The following RPL31 variants were observed in gnomAD, a reference collection of about 807,000 sequenced individuals.
RPL31 encodes ribosomal protein L31, also known as large ribosomal subunit protein eL31.
For synonymous variants in RPL31, 51 were observed against 55.0 expected, an observed-to-expected ratio of 0.93 and a Z score of 0.32; for missense variants, 95 against 164.0, an observed-to-expected ratio of 0.58 and a Z score of 2.30.
At chr2:101,009,127 C>T (rs548712272), downstream of RPL31, among the ~76,000 whole-genome samples, 25 of 152,270 alleles carry the variant, frequency 1.6e-4, no homozygotes, top group South Asian at 2.9e-3. Flanking sequence ...GGTGCGGTGG[C>T]TCATGCCTGT....
intron 4 of RPL31, among the ~76,000 whole-genome samples, chr2:101,014,191 G>T (rs1484079259): frequency 6.6e-6 from 1 of 151,322 alleles, no homozygotes; most frequent in African/African-American, 2.4e-5. Context: ...TTTTAATTTC[G>T]CAAAAGTTTT....
chr2:101,003,964 A>G (rs1678631042), intron 2 of RPL31, among the ~76,000 whole-genome samples, 194 bp from the exon 3 acceptor site: 1 of 152,202 alleles, frequency 6.6e-6, no homozygotes, highest in Non-Finnish European at 1.5e-5. Context: ...TTAGGAGGAC[A>G]TACCATCTAC....
At chr2:101,013,790 T>A (rs940299343) in intron 4 of RPL31, among the ~76,000 whole-genome samples, 1 of 152,244 alleles carries the variant, frequency 6.6e-6, no homozygotes, top group African/African-American at 2.4e-5. Context: ...CACATATGGC[T>A]TTGAACACAA....
chr2:101,006,515 C>G lies in RPL31; in HGVS notation c.*134C>G, dbSNP rs1317845821. On this transcript the variant is annotated 3_prime_UTR_variant, in exon 5 of 5. Transcript: ENST00000264258. ...GAAGAGCTTTTCCCAAATTGATGGC[C>G]TGTGCTGCCTTCTCCCCATCCCCTG... 1.2e-6 allele frequency: 1 copy of G among 821,794 alleles called. No individual in the cohort carries two copies. The highest frequency in any genetic ancestry group is 1.8e-6 in the Non-Finnish European group (1 of 545,714). 50.9% of individuals were successfully genotyped at this position (821,794 alleles called of 1,614,324 possible).
chr2:101,011,091 CTA>C (rs1269922461), downstream of RPL31: 28 of 1,507,480 alleles, frequency 1.9e-5, no homozygotes, highest in African/African-American at 5.5e-5. Context: ...AAAAAGGAAA[CTA>C]TGTAGGAGAG....
chr2:101,009,406 CAAAAAAAA>C (rs70943054), downstream of RPL31, among the ~76,000 whole-genome samples: 38,141 of 97,924 alleles, frequency 0.39, 5,427 homozygotes, highest in South Asian at 0.5. Context: ...ACTCTGTCTC[CAAAAAAAA>C]AAAAAAAAAG....
At position 101,002,682 on chromosome 2, in the gene RPL31, T is replaced by C. The variant is rs1316097784; in HGVS notation, c.1-20T>C. The C allele has an allele frequency of 6.3e-7, 1 of 1,594,372 alleles. No individual in the cohort carries two copies. Among genetic ancestry groups the C allele is most frequent in the Admixed American group, 1.7e-5 (1 of 60,004 alleles). ...AGCTTGTTAAACTCTGCTCTGAGCC[T>C]CCTTGTCGCCTGCATTTAGATGGCT... On this transcript the variant is annotated intron_variant, in intron 1 of 4. Transcript: ENST00000264258.
rs766864446 is a variant in RPL31 at position 101,002,819 on chromosome 2, C to T, written c.107+11C>T. The T allele has an allele frequency of 3.1e-6, 5 of 1,598,450 alleles. No homozygotes were observed. The highest frequency in any genetic ancestry group is 2.2e-5 in the East Asian group (1 of 44,812). ...GCGCATCCATGGAGTGTGAGTATCCCTCTAGCCGCCCTGGGTCTCGAACTC... is the reference window on the plus strand; with the variant it reads ...GCGCATCCATGGAGTGTGAGTATCCTTCTAGCCGCCCTGGGTCTCGAACTC... On this transcript the variant is annotated intron_variant, in intron 2 of 4. Transcript: ENST00000264258.
At chr2:101,018,982 A>G in intron 4 of RPL31, 1 of 1,610,996 alleles carries the variant, frequency 6.2e-7, no homozygotes, top group Non-Finnish European at 8.5e-7. Flanking sequence ...AATCATCTGT[A>G]ATATTTCTGT....
In RPL31 at chr2:101,004,039, A is replaced by G. The variant is rs942200868; in HGVS notation, c.108-119A>G. 4.4e-5 allele frequency: 51 copies of G among 1,171,120 alleles called. 1 individual carries two copies. The South Asian group carries it at 8.0e-4, about 18-fold the overall frequency. The allele number at this position is 1,171,120 out of a possible 1,614,324, so 72.5% of individuals were successfully genotyped here. A position where few individuals can be genotyped will look rare whatever the true frequency, so the allele number is the denominator to read the frequency against. ...TATGCTGTAAAAACTTGGTTTTGTT[A>G]CATAAGACATTGCTTAAAGTCAGTT... On this transcript the variant is annotated intron_variant, in intron 2 of 4. Coordinates refer to ENST00000264258, the MANE Select transcript of RPL31 (RefSeq NM_000993.5).
downstream of RPL31, chr2:101,007,979 A>AAAT: frequency 1.2e-6 from 2 of 1,614,058 alleles, no homozygotes; most frequent in Non-Finnish European, 1.7e-6. Context: ...AGTGAAGCTA[A>AAAT]AATATGTTCA....
At chr2:101,009,914 C>A (rs936753627), downstream of RPL31, among the ~76,000 whole-genome samples, 1 of 151,210 alleles carries the variant, frequency 6.6e-6, no homozygotes, top group Admixed American at 6.6e-5. Flanking sequence ...CTCCGCCTCC[C>A]GGGTTCATGC....
chr2:101,002,409 A>C (rs555651718), intron 1 of RPL31, 94 bp downstream of exon 1: 1 of 419,834 alleles, frequency 2.4e-6, no homozygotes, highest in East Asian at 4.6e-5. Context: ...CTCCCGAGCC[A>C]GCCCGGGGCT....
chr2:101,006,482 G>C lies in RPL31; in HGVS notation c.*101G>C, dbSNP rs1398813810. 3 of 1,158,720 alleles carry C rather than the reference G, an allele frequency of 2.6e-6. No homozygotes were observed. The highest frequency in any genetic ancestry group is 5.6e-5 in the Admixed American group (2 of 35,736). 71.8% of individuals were successfully genotyped at this position (1,158,720 alleles called of 1,614,324 possible). On this transcript the variant is annotated 3_prime_UTR_variant, in exon 5 of 5. Coordinates refer to ENST00000264258, the MANE Select transcript of RPL31 (RefSeq NM_000993.5). Reference sequence around the variant, plus strand: ...CTTGTATACCCTATCCTAATTATGGGATCATTTGAAGAGCTTTTCCCAAAT... The same window carrying C: ...CTTGTATACCCTATCCTAATTATGGCATCATTTGAAGAGCTTTTCCCAAAT...
chr2:101,004,511 A>G (rs1678646323), intron 3 of RPL31: 1 of 512,852 alleles, frequency 1.9e-6, no homozygotes, highest in South Asian at 3.4e-5. Flanking sequence ...GTAGGGTGGG[A>G]AAGAGCATTG....
intron 3 of RPL31, 104 bp from the exon 4 acceptor site, chr2:101,005,855 A>G: frequency 3.1e-6 from 3 of 971,964 alleles, no homozygotes; most frequent in South Asian, 1.4e-5. Context: ...GAGTAGAGCA[A>G]AGGACAGCAT....
At chr2:101,003,268 C>A (rs189506939) in intron 2 of RPL31, among the ~76,000 whole-genome samples, 108 of 152,232 alleles carry the variant, frequency 7.1e-4, no homozygotes, top group African/African-American at 2.6e-3. Context: ...CAAATAAATG[C>A]TTCGTTGCCT....
At chr2:101,019,219 C>T (rs1011698046) in exon 5 of RPL31, 1 of 618,546 alleles carries the variant, frequency 1.6e-6, no homozygotes, top group African/African-American at 1.8e-5. Flanking sequence ...GTCTTCTGCC[C>T]TTGCCTCTTC....
chr2:101,012,014 TGAA>T (rs1426567384), downstream of RPL31, among the ~76,000 whole-genome samples: 1 of 150,614 alleles, frequency 6.6e-6, no homozygotes, highest in Non-Finnish European at 1.5e-5. Flanking sequence ...TTTTAAAAGT[TGAA>T]GAAAAGCCTT....
Sources: allele counts gnomAD v4.1 joint callset (sites outside exome capture counted in the v4.1 genomes callset), GRCh38; gene constraint gnomAD v4.1.1; transcripts MANE v1.5; gene names NCBI Gene and HGNC (gene_info 2026-07-23, HGNC 2026-07-21).